ZNF385B: variants seen among roughly 807,000 people sequenced by gnomAD.
ZNF385B encodes the protein zinc finger protein 385B, also known as zinc finger protein 533.
A neutral mutation model predicts 39.2 loss-of-function variants in ZNF385B; 23 were observed. That is an observed-to-expected ratio of 0.59 (90% CI 0.42 to 0.83). The LOEUF (loss-of-function observed/expected upper bound fraction) is 0.83. Among genes scored for constraint, ZNF385B ranks in the 40% least tolerant of loss-of-function variants. The pLI is 0.00. For synonymous variants in ZNF385B, 205 were observed against 222.6 expected, an observed-to-expected ratio of 0.92 and a Z score of 0.70; for missense variants, 552 against 598.9, an observed-to-expected ratio of 0.92 and a Z score of 0.82.
chr2:179,646,831 C>T (rs899231959), intron 3 of ZNF385B, among the ~76,000 whole-genome samples: 1 of 152,158 alleles, frequency 6.6e-6, no homozygotes, highest in Non-Finnish European at 1.5e-5. Flanking sequence ...GAGTGTCCTA[C>T]TCTGGGGAAA....
chr2:179,644,411 A>G (rs1389182012), intron 3 of ZNF385B, among the ~76,000 whole-genome samples: 1 of 152,196 alleles, frequency 6.6e-6, no homozygotes, highest in East Asian at 1.9e-4. Context: ...TACAAAATGC[A>G]TGCACACAGC....
At chr2:179,763,245 T>C (rs1333643996) in intron 3 of ZNF385B, among the ~76,000 whole-genome samples, 1 of 152,188 alleles carries the variant, frequency 6.6e-6, no homozygotes. Context: ...TAGTTATTTA[T>C]GGTTTCTGAA....
chr2:179,589,755 C>T (rs1687395543), intron 3 of ZNF385B, among the ~76,000 whole-genome samples: 1 of 152,172 alleles, frequency 6.6e-6, no homozygotes, highest in Non-Finnish European at 1.5e-5. Flanking sequence ...TCAGTTTAGT[C>T]ACTGGATACA....
chr2:179,702,948 ACT>A (rs767565674), intron 3 of ZNF385B, among the ~76,000 whole-genome samples: 7 of 152,140 alleles, frequency 4.6e-5, no homozygotes, highest in Non-Finnish European at 1.0e-4. Flanking sequence ...ATTCACTGTC[ACT>A]CTCACTGCCA....
intron 1 of ZNF385B, among the ~76,000 whole-genome samples, chr2:179,774,272 T>C (rs1476951654): frequency 1.3e-5 from 2 of 151,728 alleles, no homozygotes; most frequent in Non-Finnish European, 2.9e-5. Context: ...GTGTGGTATA[T>C]GTGGCATGTG....
chr2:179,466,943 AAGAG>A (rs1553560224), intron 6 of ZNF385B, among the ~76,000 whole-genome samples: 1 of 145,920 alleles, frequency 6.9e-6, no homozygotes, highest in Non-Finnish European at 1.5e-5. Flanking sequence ...AAAAAAAAAA[AAGAG>A]AGAGAGAAAG....
intron 3 of ZNF385B, among the ~76,000 whole-genome samples, chr2:179,768,229 C>T (rs1229367800): frequency 4.0e-5 from 6 of 151,864 alleles, no homozygotes; most frequent in Admixed American, 3.9e-4. Context: ...GGATTACAGG[C>T]GTGAGCCACT....
chr2:179,536,163 C>T (rs892215299), intron 4 of ZNF385B, among the ~76,000 whole-genome samples: 2 of 151,882 alleles, frequency 1.3e-5, no homozygotes, highest in Non-Finnish European at 2.9e-5. Context: ...CTGAGAGAAG[C>T]TAAGAATTTT....
At chr2:179,513,249 C>T (rs1167474273) in intron 5 of ZNF385B, among the ~76,000 whole-genome samples, 1 of 152,156 alleles carries the variant, frequency 6.6e-6, no homozygotes, top group Non-Finnish European at 1.5e-5. Flanking sequence ...ATAAAAAATG[C>T]TCAGTTTCAG....
intron 3 of ZNF385B, among the ~76,000 whole-genome samples, chr2:179,621,082 C>T (rs1012230141): frequency 4.0e-5 from 6 of 151,886 alleles, no homozygotes; most frequent in African/African-American, 1.5e-4. Context: ...CATACAAATA[C>T]TTCATAATAT....
chr2:179,792,315 CA>C (rs1426570557), intron 1 of ZNF385B, among the ~76,000 whole-genome samples: 1 of 151,432 alleles, frequency 6.6e-6, no homozygotes, highest in Non-Finnish European at 1.5e-5. Flanking sequence ...TGATTGATAC[CA>C]CTTTAATAAT....
intron 3 of ZNF385B, among the ~76,000 whole-genome samples, chr2:179,672,276 A>G (rs952413506): frequency 6.6e-6 from 1 of 152,222 alleles, no homozygotes; most frequent in African/African-American, 2.4e-5. Flanking sequence ...CCCCACCACT[A>G]CAGTTTAGAA....
At chr2:179,508,988 T>G (rs1403619155) in intron 5 of ZNF385B, among the ~76,000 whole-genome samples, 1 of 150,212 alleles carries the variant, frequency 6.7e-6, no homozygotes, top group African/African-American at 2.5e-5. Flanking sequence ...GCTCTGTCGC[T>G]CAGGCTGGAG....
intron 3 of ZNF385B, among the ~76,000 whole-genome samples, chr2:179,564,871 C>A (rs1026532639): frequency 1.3e-5 from 2 of 152,104 alleles, no homozygotes; most frequent in Admixed American, 1.3e-4. Context: ...GCCTCCCTGC[C>A]CCTATCCCCT....
At chr2:179,485,582 G>C (rs1009275329) in intron 5 of ZNF385B, among the ~76,000 whole-genome samples, 13 of 152,110 alleles carry the variant, frequency 8.5e-5, no homozygotes, top group African/African-American at 3.1e-4. Context: ...GCTTATAAAT[G>C]ATGATGATGA....
intron 1 of ZNF385B, among the ~76,000 whole-genome samples, chr2:179,826,505 A>G (rs73048563): frequency 0.026 from 4,023 of 152,250 alleles, 76 homozygotes; most frequent in African/African-American, 0.051. Flanking sequence ...TGAAGCAAAG[A>G]GGGCTATTGA....
chr2:179,466,230 C>T (rs1369684206), intron 6 of ZNF385B, among the ~76,000 whole-genome samples: 2 of 152,106 alleles, frequency 1.3e-5, no homozygotes, highest in Non-Finnish European at 2.9e-5. Flanking sequence ...AAACACATTC[C>T]TTTGTGGCAG....
At chr2:179,637,656 G>A (rs1467457959) in intron 3 of ZNF385B, among the ~76,000 whole-genome samples, 1 of 142,324 alleles carries the variant, frequency 7.0e-6, no homozygotes, top group Non-Finnish European at 1.5e-5. Context: ...TGATTTTACA[G>A]ATGAAGAGGA....
intron 3 of ZNF385B, among the ~76,000 whole-genome samples, chr2:179,709,372 C>T (rs1301234307): frequency 6.6e-6 from 1 of 152,188 alleles, no homozygotes; most frequent in Non-Finnish European, 1.5e-5. Flanking sequence ...AGGGACTCAC[C>T]AGGTGGCCAC....
Sources: allele counts gnomAD v4.1 joint callset (sites outside exome capture counted in the v4.1 genomes callset), GRCh38; gene constraint gnomAD v4.1.1; transcripts MANE v1.5; gene names NCBI Gene and HGNC (gene_info 2026-07-23, HGNC 2026-07-21).